Variants in POU2F3 observed in about 807,000 individuals in gnomAD.
The protein encoded by POU2F3 is POU domain, class 2, transcription factor 3.
Under a neutral mutation model 59.2 loss-of-function variants are expected in POU2F3, and 23 were observed. The ratio of observed to expected loss-of-function variants is 0.39; its 90% CI spans 0.28 to 0.55. The LOEUF (loss-of-function observed/expected upper bound fraction) is 0.55, where lower values mean the gene tolerates loss of function less well. Among genes scored for constraint, POU2F3 ranks in the 20% least tolerant of loss-of-function variants. The pLI, the probability that POU2F3 is intolerant of heterozygous loss-of-function variation, is 0.66. For missense variants in POU2F3, 473 were observed against 544.5 expected (o/e 0.87, Z 1.31); for synonymous variants, 190 against 214.6 (o/e 0.89, Z 1.00).
At chr11:120,284,929 C>T (rs1178730917) in intron 3 of POU2F3, among the ~76,000 whole-genome samples, 2 of 152,080 alleles carry the variant, frequency 1.3e-5, no homozygotes, top group Non-Finnish European at 2.9e-5. Flanking sequence ...TGTGTTGACA[C>T]GTTTGTTTAT....
chr11:120,317,087 G>A, intron 11 of POU2F3, 142 bp from the exon 12 acceptor site: 1 of 897,828 alleles, frequency 1.1e-6, no homozygotes. Flanking sequence ...GAGGCAGGAG[G>A]TAGTCAGGTG....
In POU2F3 at chr11:120,309,579, C is replaced by G. The variant is rs201319590; in HGVS notation, c.1061C>G (p.Ser354Cys). Residue 354 changes from serine to cysteine, a missense_variant, in exon 10 of 13, where the codon TCC (serine) becomes TGC (cysteine). Ser to Cys is a moderately radical substitution (Grantham distance 112). Coordinates refer to ENST00000543440, the MANE Select transcript of POU2F3 (RefSeq NM_014352.4). ...CCCATCAAACCACCTGTCTACAACT[C>G]CCGGCTGGTGAGTGGCCAGGAACCA... ...ATPIKPPVYNSRLVSPSGSLG... is the reference protein window; with the variant it reads ...ATPIKPPVYNCRLVSPSGSLG... The G allele has an allele frequency of 1.2e-4, 198 of 1,613,066 alleles. No homozygotes were observed. Among genetic ancestry groups the G allele is most frequent in the Admixed American group, 2.8e-4 (17 of 59,996 alleles).
At chr11:120,259,579 A>C (rs535090273) in intron 2 of POU2F3, among the ~76,000 whole-genome samples, 116 of 152,270 alleles carry the variant, frequency 7.6e-4, no homozygotes, top group African/African-American at 2.7e-3. Flanking sequence ...ACAGTCCCTC[A>C]TGGGGCCTCC....
At chr11:120,261,906 G>A (rs550251641) in intron 2 of POU2F3, among the ~76,000 whole-genome samples, 4 of 152,160 alleles carry the variant, frequency 2.6e-5, no homozygotes, top group East Asian at 1.9e-4. Flanking sequence ...AGCAGCCTCC[G>A]CTTGAATATT....
intron 8 of POU2F3, 138 bp from the exon 9 acceptor site, chr11:120,307,340 TC>T: frequency 1.0e-6 from 1 of 976,616 alleles, no homozygotes; most frequent in Non-Finnish European, 1.5e-6. Context: ...TGTTCTGGGC[TC>T]CCTGCTGGGG....
chr11:120,244,271 G>A (rs1279867260), intron 1 of POU2F3, among the ~76,000 whole-genome samples: 1 of 152,132 alleles, frequency 6.6e-6, no homozygotes, highest in Non-Finnish European at 1.5e-5. Flanking sequence ...CCTTATAATG[G>A]GGCAAGGGGT....
At chr11:120,271,022 G>T (rs955434675) in intron 3 of POU2F3, among the ~76,000 whole-genome samples, 1 of 152,122 alleles carries the variant, frequency 6.6e-6, no homozygotes, top group East Asian at 1.9e-4. Context: ...TTCCTAAAAG[G>T]CTGCTAATTC....
At chr11:120,295,326 C>A (rs1208220031) in intron 3 of POU2F3, among the ~76,000 whole-genome samples, 2 of 152,184 alleles carry the variant, frequency 1.3e-5, no homozygotes, top group African/African-American at 2.4e-5. Flanking sequence ...GGAACCCTGC[C>A]ACTTGCCTCC....
chr11:120,311,725 A>G (rs1565390881), intron 10 of POU2F3, among the ~76,000 whole-genome samples: 1 of 152,286 alleles, frequency 6.6e-6, no homozygotes, highest in African/African-American at 2.4e-5. Context: ...GAAGGCTGGG[A>G]TGGAGACATG....
At chr11:120,249,308 G>C (rs907011674) in intron 2 of POU2F3, among the ~76,000 whole-genome samples, 1 of 152,202 alleles carries the variant, frequency 6.6e-6, no homozygotes, top group Non-Finnish European at 1.5e-5. Flanking sequence ...CAGCTTTTCT[G>C]TCCTTCCTAC....
chr11:120,280,974 A>G (rs1208356849), intron 3 of POU2F3, among the ~76,000 whole-genome samples: 1 of 152,180 alleles, frequency 6.6e-6, no homozygotes, highest in Non-Finnish European at 1.5e-5. Flanking sequence ...GTGTGCCTGC[A>G]GGGAGGGGGC....
At chr11:120,295,730 G>A (rs1941175860) in intron 3 of POU2F3, among the ~76,000 whole-genome samples, 1 of 152,196 alleles carries the variant, frequency 6.6e-6, no homozygotes, top group African/African-American at 2.4e-5. Context: ...ACAGCTGAAG[G>A]GGCATGGAGC....
At chr11:120,299,382 C>G (rs956940285) in intron 4 of POU2F3, among the ~76,000 whole-genome samples, 1 of 152,146 alleles carries the variant, frequency 6.6e-6, no homozygotes, top group Non-Finnish European at 1.5e-5. Context: ...ACTCAGGAGG[C>G]AAGGGTTAAG....
intron 3 of POU2F3, among the ~76,000 whole-genome samples, chr11:120,279,817 C>T (rs1940490304): frequency 6.6e-6 from 1 of 152,216 alleles, no homozygotes; most frequent in South Asian, 2.1e-4. Flanking sequence ...GTGCCTAGTA[C>T]TTGCTGGTCT....
chr11:120,265,369 G>T (rs10790372), intron 2 of POU2F3: 62,343 of 151,816 alleles, frequency 0.41, 15,144 homozygotes, highest in East Asian at 1. Context: ...TCTGCCCTCC[G>T]GCAGCGCTAG....
At chr11:120,261,296 C>G (rs1017443559) in intron 2 of POU2F3, 1 of 152,064 alleles carries the variant, frequency 6.6e-6, no homozygotes, top group Non-Finnish European at 1.5e-5. Context: ...TACCCTTGTT[C>G]GGTCTCAGGC....
intron 2 of POU2F3, chr11:120,254,747 T>C (rs1939266274): frequency 6.6e-6 from 1 of 152,270 alleles, no homozygotes; most frequent in South Asian, 2.1e-4. Flanking sequence ...CAGGGCAGGA[T>C]GTGTGACCAG....
intron 3 of POU2F3, among the ~76,000 whole-genome samples, chr11:120,282,762 A>C (rs1295875108): frequency 6.6e-6 from 1 of 152,264 alleles, no homozygotes; most frequent in Non-Finnish European, 1.5e-5. Context: ...GGCTTTGCTT[A>C]AAGCAAGTTA....
upstream of POU2F3, among the ~76,000 whole-genome samples, chr11:120,236,961 C>T (rs778354683): frequency 2.6e-5 from 4 of 152,114 alleles, no homozygotes; most frequent in Non-Finnish European, 4.4e-5. Flanking sequence ...GGCCTCAGGT[C>T]CCTCAAATGA....
Sources: gnomAD v4.1 joint callset for allele counts (sites outside exome capture counted in the v4.1 genomes callset) on GRCh38, gnomAD v4.1.1 for gene constraint, MANE v1.5 for transcripts, NCBI Gene and HGNC (gene_info 2026-07-23, HGNC 2026-07-21) for gene names.